The following ZFHX3 variants were observed in gnomAD, a reference collection of about 807,000 sequenced individuals.
ZFHX3 encodes the protein zinc finger homeobox protein 3.
A neutral mutation model predicts 279.1 loss-of-function variants in ZFHX3; 42 were observed. That is an observed-to-expected ratio of 0.15 (90% confidence interval 0.12 to 0.19). ZFHX3 has a LOEUF of 0.19. Among genes scored for constraint, ZFHX3 ranks in the 10% least tolerant of loss-of-function variants. ZFHX3 has a pLI of 1.00. For missense variants in ZFHX3, 4,981 were observed against 4,754.0 expected, an observed-to-expected ratio of 1.05 and a Z score of -1.40; for synonymous variants, 2,293 against 1,957.8, an observed-to-expected ratio of 1.17 and a Z score of -4.52.
intron 1 of ZFHX3, among the ~76,000 whole-genome samples, chr16:73,011,749 CCT>C (rs1375016068): frequency 1.3e-5 from 2 of 151,560 alleles, no homozygotes; most frequent in African/African-American, 4.8e-5. Flanking sequence ...CACAAGCCCC[CCT>C]GTGGATTCTT....
At chr16:72,888,801 TGGG>T (rs1345604717) in intron 4 of ZFHX3, among the ~76,000 whole-genome samples, 3 of 151,732 alleles carry the variant, frequency 2.0e-5, no homozygotes, top group Non-Finnish European at 4.4e-5. Flanking sequence ...ACAGAGGAAA[TGGG>T]TTGTAGGAGG....
Position 73,136,390 on chromosome 16 carries a change from C to T in ZFHX3, c.-1023-5296G>A, listed in dbSNP as rs549691267. On this transcript the variant is annotated intron_variant, in intron 6 of 17. Transcript: ENST00000641206. ...CCCAAAGAGCTTCATTCTAAACTATCTATTAGGTTGGTGCAAAAGTCATTG... is the reference window on the plus strand; with the variant it reads ...CCCAAAGAGCTTCATTCTAAACTATTTATTAGGTTGGTGCAAAAGTCATTG... Among the ~76,000 whole-genome samples, 19 of 152,200 alleles carry T rather than the reference C, an allele frequency of 1.2e-4. No homozygotes were observed. The South Asian group carries it at 1.9e-3, about 15-fold the overall frequency.
intron 4 of ZFHX3, among the ~76,000 whole-genome samples, chr16:73,265,478 T>A (rs2013949782): frequency 1.3e-5 from 2 of 152,160 alleles, no homozygotes; most frequent in Admixed American, 1.3e-4. Flanking sequence ...GGGGGTTTTT[T>A]TGTTTGTTTT....
At chr16:73,167,552 AAAT>A (rs1182099614) in intron 5 of ZFHX3, among the ~76,000 whole-genome samples, 3 of 152,242 alleles carry the variant, frequency 2.0e-5, no homozygotes, top group Non-Finnish European at 2.9e-5. Context: ...AATAGAAAAA[AAAT>A]AATAATAATT....
At position 73,033,494 on chromosome 16, in the gene ZFHX3, C is replaced by A. The variant is rs531275195; in HGVS notation, c.-50+14258G>T. Among the ~76,000 whole-genome samples, 8 of 152,190 alleles carry A rather than the reference C, an allele frequency of 5.3e-5. No individual in the cohort carries two copies. In the South Asian group the frequency reaches 1.5e-3, roughly 28 times the overall value. On this transcript the variant is annotated intron_variant, in intron 1 of 9. Coordinates refer to ENST00000268489, the MANE Select transcript of ZFHX3 (RefSeq NM_006885.4). Reference sequence around the variant, plus strand: ...CTGATCATATCCTCTAAAACGTGAACAGTTTCAACTTGACTGGGGGGAAAG... The same window carrying A: ...CTGATCATATCCTCTAAAACGTGAAAAGTTTCAACTTGACTGGGGGGAAAG...
rs67553147 is a variant in ZFHX3 at position 73,188,866 on chromosome 16, C to CT, written c.-1103-45036dup. Among the ~76,000 whole-genome samples, 200 of 138,832 alleles carry CT rather than the reference C, an allele frequency of 1.4e-3. 1 individual carries two copies. The highest frequency in any genetic ancestry group is 0.012 in the South Asian group (51 of 4,364). The allele number at this position is 138,832 out of a possible 152,430, so 91.1% of individuals were successfully genotyped here. On this transcript the variant is annotated intron_variant, in intron 5 of 17. Coordinates refer to the ZFHX3 transcript ENST00000641206. ...GGCTAGCGTCTGGATATTTCTTTTTCTTTTTTTTTTTTTTTGAGATGGAGT... is the reference window on the plus strand; with the variant it reads ...GGCTAGCGTCTGGATATTTCTTTTTCTTTTTTTTTTTTTTTTGAGATGGAGT...
chr16:73,240,080 T>A (rs1352086667), intron 5 of ZFHX3, among the ~76,000 whole-genome samples: 1 of 151,974 alleles, frequency 6.6e-6, no homozygotes, highest in Non-Finnish European at 1.5e-5. Flanking sequence ...TACTTAACAT[T>A]GAACTCATGG....
chr16:73,680,415 T>C (rs746743034), intron 1 of ZFHX3, among the ~76,000 whole-genome samples: 1 of 152,220 alleles, frequency 6.6e-6, no homozygotes, highest in Non-Finnish European at 1.5e-5. Flanking sequence ...GAATGAATGT[T>C]GACTGTTTCA....
At chr16:73,579,642 C>T (rs1046477167) in intron 2 of ZFHX3, among the ~76,000 whole-genome samples, 1 of 150,762 alleles carries the variant, frequency 6.6e-6, no homozygotes. Context: ...GCTGGGACTA[C>T]AGGCACCCGC....
intron 3 of ZFHX3, among the ~76,000 whole-genome samples, chr16:73,339,162 G>C (rs2015982022): frequency 6.6e-6 from 1 of 152,144 alleles, no homozygotes; most frequent in African/African-American, 2.4e-5. Flanking sequence ...CATCCAACTT[G>C]GGCTTCAGAA....
At chr16:73,672,629 G>C (rs1531673) in intron 2 of ZFHX3, among the ~76,000 whole-genome samples, 9 of 151,702 alleles carry the variant, frequency 5.9e-5, no homozygotes, top group Non-Finnish European at 1.3e-4. Flanking sequence ...ATTATTTTTC[G>C]AAAGAATAAT....
intron 1 of ZFHX3, among the ~76,000 whole-genome samples, chr16:72,978,249 G>A (rs902949466): frequency 1.3e-5 from 2 of 152,164 alleles, no homozygotes; most frequent in African/African-American, 4.8e-5. Context: ...GTGTTACTCA[G>A]CTACAAGGCC....
At chr16:73,656,775 C>G (rs905472391) in intron 2 of ZFHX3, among the ~76,000 whole-genome samples, 1 of 152,158 alleles carries the variant, frequency 6.6e-6, no homozygotes, top group Non-Finnish European at 1.5e-5. Context: ...GTCCTATATA[C>G]ATAAAAATAA....
chr16:72,900,154 A>T (rs1267740069), intron 3 of ZFHX3, among the ~76,000 whole-genome samples: 1 of 151,906 alleles, frequency 6.6e-6, no homozygotes, highest in African/African-American at 2.4e-5. Flanking sequence ...AAAAAAAAAA[A>T]ACAAGAAGTG....
intron 2 of ZFHX3, among the ~76,000 whole-genome samples, chr16:73,666,317 C>G (rs1346007322): frequency 6.6e-6 from 1 of 151,950 alleles, no homozygotes; most frequent in Non-Finnish European, 1.5e-5. Flanking sequence ...AAAAGAGTTA[C>G]CTGTTCCAAT....
chr16:73,126,642 T>G (rs1192806825), intron 7 of ZFHX3: 1 of 152,262 alleles, frequency 6.6e-6, no homozygotes, highest in Non-Finnish European at 1.5e-5. Flanking sequence ...TGCAGTCAGT[T>G]GCGAAATAGC....
chr16:73,234,933 G>T (rs1172756057), intron 5 of ZFHX3, among the ~76,000 whole-genome samples: 1 of 152,134 alleles, frequency 6.6e-6, no homozygotes, highest in African/African-American at 2.4e-5. Context: ...ATACAAAGAA[G>T]TACACAGAGA....
At chr16:73,532,633 C>G (rs1018757168) in intron 2 of ZFHX3, among the ~76,000 whole-genome samples, 1 of 152,172 alleles carries the variant, frequency 6.6e-6, no homozygotes, top group African/African-American at 2.4e-5. Flanking sequence ...AGGAGTGTAG[C>G]CTTAGTCAAC....
intron 7 of ZFHX3, among the ~76,000 whole-genome samples, chr16:73,130,804 C>T (rs1381493149): frequency 6.6e-6 from 1 of 152,206 alleles, no homozygotes; most frequent in Non-Finnish European, 1.5e-5. Context: ...GACAGGGTTT[C>T]GCCATGTTGG....
Sources: allele counts gnomAD v4.1 joint callset (sites outside exome capture counted in the v4.1 genomes callset), GRCh38; gene constraint gnomAD v4.1.1; transcripts MANE v1.5; gene names NCBI Gene and HGNC (gene_info 2026-07-23, HGNC 2026-07-21).